Variants in MAP6 observed in about 807,000 individuals in gnomAD.
MAP6 encodes microtubule associated protein 6, also known as microtubule-associated protein 6.
Under a neutral mutation model 42.4 loss-of-function variants are expected in MAP6, and 26 were observed. The ratio of observed to expected loss-of-function variants is 0.61; its 90% CI spans 0.45 to 0.85. The LOEUF (loss-of-function observed/expected upper bound fraction) is 0.85. Among genes scored for constraint, MAP6 ranks in the 40% least tolerant of loss-of-function variants. The pLI is 0.00. For synonymous variants in MAP6, 418 were observed against 443.8 expected (o/e 0.94, Z 0.73); for missense variants, 966 against 1,099.0 (o/e 0.88, Z 1.71).
At chr11:75,590,684 T>A (rs944827886) in intron 3 of MAP6, among the ~76,000 whole-genome samples, 7 of 152,194 alleles carry the variant, frequency 4.6e-5, no homozygotes, top group East Asian at 1.9e-4. Context: ...ATTACTTTTT[T>A]AATATTAAGT....
intron 1 of MAP6, among the ~76,000 whole-genome samples, chr11:75,623,762 T>A (rs1943151699): frequency 6.6e-6 from 1 of 152,120 alleles, no homozygotes; most frequent in Admixed American, 6.5e-5. Flanking sequence ...CAGGCTGGAG[T>A]GCAGTGGCGC....
chr11:75,640,529 G>A (rs920344394), intron 1 of MAP6, among the ~76,000 whole-genome samples: 1 of 152,112 alleles, frequency 6.6e-6, no homozygotes, highest in East Asian at 1.9e-4. Context: ...CAGGTTCCTG[G>A]GCCCAACCTT....
At chr11:75,645,562 A>C (rs541635261) in intron 1 of MAP6, among the ~76,000 whole-genome samples, 1 of 152,318 alleles carries the variant, frequency 6.6e-6, no homozygotes, top group East Asian at 1.9e-4. Context: ...CACAATCCAC[A>C]ATAAAAACTT....
chr11:75,648,844 T>G (rs923833828), intron 1 of MAP6, among the ~76,000 whole-genome samples: 1 of 152,202 alleles, frequency 6.6e-6, no homozygotes, highest in African/African-American at 2.4e-5. Context: ...TTTCTTAATT[T>G]GACTCAAAAT....
intron 1 of MAP6, among the ~76,000 whole-genome samples, chr11:75,656,003 A>C (rs141101554): frequency 6.6e-6 from 1 of 152,352 alleles, no homozygotes; most frequent in East Asian, 1.9e-4. Flanking sequence ...CAGAGTAAAC[A>C]CTCAGCAGAT....
At chr11:75,623,248 T>C (rs1010499919) in intron 1 of MAP6, among the ~76,000 whole-genome samples, 6 of 152,192 alleles carry the variant, frequency 3.9e-5, no homozygotes, top group African/African-American at 1.4e-4. Context: ...TATTGTATGA[T>C]TCCAACTATA....
intron 3 of MAP6, chr11:75,603,009 A>G (rs943855180): frequency 1.5e-5 from 15 of 985,680 alleles, no homozygotes; most frequent in Non-Finnish European, 1.6e-5. Context: ...AAATAGCACC[A>G]AGAGAGGTGT....
At chr11:75,643,473 C>G (rs1943508908) in intron 1 of MAP6, among the ~76,000 whole-genome samples, 1 of 152,096 alleles carries the variant, frequency 6.6e-6, no homozygotes, top group African/African-American at 2.4e-5. Context: ...AGGTGCTTGG[C>G]AAAGAGGAAA....
chr11:75,625,105 T>C (rs894533474), intron 1 of MAP6, among the ~76,000 whole-genome samples: 1 of 151,704 alleles, frequency 6.6e-6, no homozygotes, highest in East Asian at 1.9e-4. Flanking sequence ...TTTAGAAGAG[T>C]AGGGATTTTC....
intron 2 of MAP6, among the ~76,000 whole-genome samples, chr11:75,606,996 C>T (rs534228181): frequency 1.3e-3 from 199 of 152,304 alleles, no homozygotes; most frequent in African/African-American, 4.5e-3. Context: ...CCCCATGCCC[C>T]GGGTGCCACA....
intron 1 of MAP6, among the ~76,000 whole-genome samples, chr11:75,647,347 C>CAAA: frequency 5.9e-4 from 26 of 44,162 alleles, no homozygotes; most frequent in African/African-American, 1.1e-3. Context: ...CCCACCTGAT[C>CAAA]AAAAAAAAAA....
Position 75,587,807 on chromosome 11 carries a change from C to T in MAP6, c.1694G>A (p.Arg565Lys), listed in dbSNP as rs1942389663. The T allele has an allele frequency of 1.2e-6, 2 of 1,613,990 alleles. No homozygotes were observed. Among genetic ancestry groups the T allele is most frequent in the South Asian group, 1.1e-5 (1 of 91,078 alleles). ...VPESLKDQGPRIPEPVKNQAP... is the reference protein window; with the variant it reads ...VPESLKDQGPKIPEPVKNQAP... ...TTGATTCTTCACAGGCTCAGGAATCCTAGGACCTTGATCCTTTAGAGACTC... is the reference window on the plus strand; with the variant it reads ...TTGATTCTTCACAGGCTCAGGAATCTTAGGACCTTGATCCTTTAGAGACTC... The change falls in exon 4 of 4, where the codon AGG becomes AAG. Residue 565 changes from arginine (R) to lysine (K), a missense_variant. Transcript: ENST00000304771.
At chr11:75,601,968 C>A (rs145034050) in intron 3 of MAP6, among the ~76,000 whole-genome samples, 2 of 151,954 alleles carry the variant, frequency 1.3e-5, no homozygotes, top group African/African-American at 4.8e-5. Flanking sequence ...CTCCTTCGTG[C>A]CCCACTGTGA....
rs1048598115 is a variant in MAP6 at position 75,614,217 on chromosome 11, T to C, written c.906-5895A>G. Among the ~76,000 whole-genome samples the C allele has an allele frequency of 2.6e-5, 4 of 152,192 alleles. No homozygotes were observed. In the East Asian group the frequency reaches 7.7e-4, roughly 29 times the overall value. Reference sequence around the variant, plus strand: ...TCTCATCATGTCTACGACAGGGATGTGGAATGCAGCTCCCACCTCCCTGCG... The same window carrying C: ...TCTCATCATGTCTACGACAGGGATGCGGAATGCAGCTCCCACCTCCCTGCG... On this transcript the variant is annotated intron_variant, in intron 1 of 3. Transcript: ENST00000304771.
At position 75,587,024 on chromosome 11, in the gene MAP6, G is replaced by C. The variant is rs994486586; in HGVS notation, c.*35C>G. The stretch of plus-strand genomic sequence containing the variant: ...CCCCTGGGAGGGGAGCACTCTCACT[G>C]TCAGCTCCTTCATTGGTGTGTCAAG... On this transcript the variant is annotated 3_prime_UTR_variant, in exon 4 of 4. Coordinates refer to ENST00000304771, the MANE Select transcript of MAP6 (RefSeq NM_033063.2). The C allele has an allele frequency of 6.5e-7, 1 of 1,528,648 alleles. No individual in the cohort carries two copies. The highest frequency in any genetic ancestry group is 2.1e-5 in the Admixed American group (1 of 47,088). 94.7% of individuals were successfully genotyped at this position (1,528,648 alleles called of 1,614,324 possible). A position where few individuals can be genotyped will look rare whatever the true frequency, so the allele number is the denominator to read the frequency against.
chr11:75,656,035 CTCTGT>C (rs1943743327), intron 1 of MAP6, among the ~76,000 whole-genome samples: 1 of 152,218 alleles, frequency 6.6e-6, no homozygotes, highest in Non-Finnish European at 1.5e-5. Flanking sequence ...TCAATTATGT[CTCTGT>C]TCTTTCTAAT....
rs1443959660 is a variant in MAP6 at position 75,667,445 on chromosome 11, T to C, written c.905+20A>G. ...GGTCTGCGTGGTGACTCCCCCGCGC[T>C]AGCAGCGGCCGCGTCTCACCTGTAG... On this transcript the variant is annotated intron_variant, in intron 1 of 3. Transcript: ENST00000304771. The surrounding 1 kb of genome is among the most constrained non-coding windows in gnomAD (Gnocchi z 5.6). The C allele has an allele frequency of 1.4e-6, 2 of 1,461,638 alleles. No homozygotes were observed. Among genetic ancestry groups the C allele is most frequent in the African/African-American group, 2.9e-5 (2 of 68,058 alleles). The allele number at this position is 1,461,638 out of a possible 1,614,324, so 90.5% of individuals were successfully genotyped here.
chr11:75,593,666 A>G (rs1942521770), intron 3 of MAP6, among the ~76,000 whole-genome samples: 1 of 152,216 alleles, frequency 6.6e-6, no homozygotes, highest in Non-Finnish European at 1.5e-5. Context: ...TGGGGAGCCT[A>G]TGGACCCTGT....
chr11:75,638,968 C>T (rs2015782), intron 1 of MAP6, among the ~76,000 whole-genome samples: 114,547 of 152,178 alleles, frequency 0.75, 43,970 homozygotes, highest in African/African-American at 0.91. Flanking sequence ...TATTCAGCCA[C>T]AAAAGACAAT....
Sources: gnomAD v4.1 joint callset for allele counts (sites outside exome capture counted in the v4.1 genomes callset) on GRCh38, gnomAD v4.1.1 for gene constraint, Gnocchi (gnomAD v3.1) non-coding constraint, MANE v1.5 for transcripts, NCBI Gene and HGNC (gene_info 2026-07-23, HGNC 2026-07-21) for gene names.